Variants in AMELX observed in about 807,000 individuals in gnomAD.
The protein encoded by AMELX is amelogenin X-linked.
AMELX carries 9 observed loss-of-function variants against 15.8 expected under a neutral mutation model. The observed-to-expected ratio is 0.57, with a 90% CI of 0.34 to 0.99. The LOEUF (loss-of-function observed/expected upper bound fraction) is 0.99. Among genes scored for constraint, AMELX ranks in the 50% least tolerant of loss-of-function variants. The pLI is 0.02. For synonymous variants in AMELX, 61 were observed against 58.8 expected, an observed-to-expected ratio of 1.04 and a Z score of -0.17; for missense variants, 107 against 156.2, an observed-to-expected ratio of 0.68 and a Z score of 1.68.
chrX:11,297,193 C>G (rs1358151300), intron 3 of AMELX, among the ~76,000 whole-genome samples: 1 of 112,009 alleles, frequency 8.9e-6, no homozygotes, highest in Admixed American at 9.4e-5. Flanking sequence ...CTCTTTCCAG[C>G]TCAAAAAACT....
intron 2 of AMELX, among the ~76,000 whole-genome samples, chrX:11,295,301 AG>A (rs1220314638): frequency 9.0e-6 from 1 of 111,061 alleles, no homozygotes; most frequent in South Asian, 3.8e-4. Flanking sequence ...CTTACCCCTC[AG>A]GGGGTAAGAT....
chrX:11,306,656 T>C, the AMELX span, among the ~76,000 whole-genome samples: 2 of 112,604 alleles, frequency 1.8e-5, no homozygotes, highest in African/African-American at 6.5e-5. Context: ...CCATTTTTTA[T>C]GAGTACCATT....
intron 5 of AMELX, among the ~76,000 whole-genome samples, chrX:11,299,704 G>T (rs1417330902): frequency 8.9e-6 from 1 of 111,736 alleles, no homozygotes; most frequent in African/African-American, 3.3e-5. Flanking sequence ...ATCCTATCAT[G>T]TATATGTATC....
Position 11,298,976 on chromosome X carries a change from G to A in AMELX, c.570+3G>A. ...ACAAGACCAAGCGGGAGGAAGTGGTGAGTATATTTTGAAGCCACTACAATG... is the reference window on the plus strand; with the variant it reads ...ACAAGACCAAGCGGGAGGAAGTGGTAAGTATATTTTGAAGCCACTACAATG... On this transcript the variant is annotated splice_donor_region_variant and intron_variant, in intron 5 of 5. Coordinates refer to ENST00000380714, the MANE Select transcript of AMELX (RefSeq NM_001142.2). 2 of 1,208,252 alleles carry A rather than the reference G, an allele frequency of 1.7e-6. No individual in the cohort carries two copies. The highest frequency in any genetic ancestry group is 2.2e-6 in the Non-Finnish European group (2 of 893,760).
the AMELX span, among the ~76,000 whole-genome samples, chrX:11,308,161 T>C: frequency 8.9e-6 from 1 of 112,480 alleles, no homozygotes; most frequent in Non-Finnish European, 1.9e-5. Context: ...GATTTCACTT[T>C]CTTGGTGTTA....
the AMELX span, among the ~76,000 whole-genome samples, chrX:11,308,063 TAG>T: frequency 1.8e-5 from 2 of 112,372 alleles, no homozygotes; most frequent in African/African-American, 6.5e-5. Flanking sequence ...GTGCACATGA[TAG>T]AGAGAGGAAG....
chrX:11,300,458 A>G (rs2048157405), intron 5 of AMELX, 149 bp from the exon 6 acceptor site: 2 of 473,432 alleles, frequency 4.2e-6, no homozygotes, highest in Non-Finnish European at 3.6e-6. Context: ...ATGACAACGA[A>G]ATAACAAAGA....
In AMELX at chrX:11,296,061, G is replaced by C. The variant is rs1270133342; in HGVS notation, c.55-718G>C. On this transcript the variant is annotated intron_variant, in intron 2 of 5. Transcript: ENST00000380714. The stretch of plus-strand genomic sequence containing the variant: ...AAAATTTTTCTGCCATAAAACCGTT[G>C]GCAGAATAATAAAAAAAGATCGGCC... 2.7e-5 allele frequency among the ~76,000 whole-genome samples: 3 copies of C among 111,569 alleles called. No homozygotes were observed. In the Admixed American group the frequency reaches 2.8e-4, roughly 11 times the overall value.
chrX:11,299,426 G>A (rs1439850211), intron 5 of AMELX, among the ~76,000 whole-genome samples: 3 of 111,888 alleles, frequency 2.7e-5, no homozygotes, highest in Non-Finnish European at 5.6e-5. Context: ...ACAAAAGGTA[G>A]ACGGGAAATC....
At position 11,300,606 on chromosome X, in the gene AMELX, G is replaced by A. The variant is rs764911951; in HGVS notation, c.571-1G>A. 1 of 1,194,322 alleles carries A rather than the reference G, an allele frequency of 8.4e-7. No homozygotes were observed. The highest frequency in any genetic ancestry group is 2.2e-5 in the Admixed American group (1 of 45,736). On this transcript the variant is annotated splice_acceptor_variant, in intron 5 of 5. Coordinates refer to ENST00000380714, the MANE Select transcript of AMELX (RefSeq NM_001142.2). LOFTEE classifies it high-confidence loss of function. ...AACTGTTCTTTTGCAATTTTTTTCA[G>A]GATTAAAAGATCAGAAGATGAGAGG...
At chrX:11,301,712 C>T (rs1192661128), downstream of AMELX, among the ~76,000 whole-genome samples, 2 of 112,086 alleles carry the variant, frequency 1.8e-5, no homozygotes, top group African/African-American at 6.5e-5. Flanking sequence ...ATTTATTAAG[C>T]ACACTCTAGG....
intron 3 of AMELX, 168 bp from the exon 4 acceptor site, chrX:11,298,068 C>A: frequency 8.3e-7 from 1 of 1,203,126 alleles, no homozygotes; most frequent in Non-Finnish European, 1.1e-6. Context: ...ACAGGAAGCA[C>A]CCAACAAATT....
At chrX:11,304,539 C>T (rs1015481526), downstream of AMELX, among the ~76,000 whole-genome samples, 1 of 110,265 alleles carries the variant, frequency 9.1e-6, no homozygotes, top group African/African-American at 3.3e-5. Flanking sequence ...CCTTCATCCT[C>T]AATTCACCAC....
chrX:11,303,552 C>CA (rs2048197707), downstream of AMELX, among the ~76,000 whole-genome samples: 1 of 112,062 alleles, frequency 8.9e-6, no homozygotes, highest in Non-Finnish European at 1.9e-5. Flanking sequence ...CTATGGTCAA[C>CA]AAAAAACACC....
At chrX:11,304,561 C>T (rs2048213164), downstream of AMELX, among the ~76,000 whole-genome samples, 1 of 109,690 alleles carries the variant, frequency 9.1e-6, no homozygotes, top group Non-Finnish European at 1.9e-5. Context: ...CTGAGGGTAA[C>T]AGGAGAGCAA....
chrX:11,308,829 ACT>A, the AMELX span, among the ~76,000 whole-genome samples: 8 of 112,494 alleles, frequency 7.1e-5, no homozygotes, highest in Non-Finnish European at 1.1e-4. Flanking sequence ...ATTTTCAAAT[ACT>A]GAGAAAATAG....
Position 11,296,846 on chromosome X carries a change from A to G in AMELX, c.102+20A>G, listed in dbSNP as rs1830314184. ...TATGAGGTAATTTTTCTCTTTACTA[A>G]TTTTGACCATTGTTTGCGTTAACAA... On this transcript the variant is annotated intron_variant, in intron 3 of 5. Transcript: ENST00000380714. 9.1e-6 allele frequency: 11 copies of G among 1,203,475 alleles called. No homozygotes were observed. Among genetic ancestry groups the G allele is most frequent in the Non-Finnish European group, 1.2e-5 (11 of 888,455 alleles).
At chrX:11,297,468 G>C (rs748154961) in intron 3 of AMELX, among the ~76,000 whole-genome samples, 14 of 112,207 alleles carry the variant, frequency 1.2e-4, no homozygotes, top group Non-Finnish European at 1.5e-4. Flanking sequence ...GAGTAATATA[G>C]TTAATGAATA....
chrX:11,299,742 A>C (rs2048145334), intron 5 of AMELX, among the ~76,000 whole-genome samples: 1 of 111,919 alleles, frequency 8.9e-6, no homozygotes, highest in African/African-American at 3.2e-5. Flanking sequence ...TATACATGTT[A>C]TTGATGATTT....
Sources: allele counts gnomAD v4.1 joint callset (sites outside exome capture counted in the v4.1 genomes callset), GRCh38; gene constraint gnomAD v4.1.1; transcripts MANE v1.5; gene names NCBI Gene and HGNC (gene_info 2026-07-23, HGNC 2026-07-21).